The following TMEM132B variants were observed in gnomAD, a reference collection of about 807,000 sequenced individuals.
TMEM132B encodes transmembrane protein 132B.
Under a neutral mutation model 90.8 loss-of-function variants are expected in TMEM132B, and 18 were observed. The ratio of observed to expected loss-of-function variants is 0.20; its 90% CI spans 0.14 to 0.29. The LOEUF is 0.29. Among genes scored for constraint, TMEM132B ranks in the 10% least tolerant of loss-of-function variants. The probability of loss-of-function intolerance (pLI) is 1.00; values close to 1 mark genes in which losing one functional copy is unlikely to be tolerated. For missense variants in TMEM132B, 1,096 were observed against 1,326.8 expected, an observed-to-expected ratio of 0.83 and a Z score of 2.70; for synonymous variants, 504 against 523.3, an observed-to-expected ratio of 0.96 and a Z score of 0.50.
chr12:125,639,159 C>T (rs1440029962), intron 5 of TMEM132B, among the ~76,000 whole-genome samples: 1 of 152,194 alleles, frequency 6.6e-6, no homozygotes, highest in Non-Finnish European at 1.5e-5. Context: ...CCCCACACCC[C>T]TCCTTCCCCT....
Position 125,490,842 on chromosome 12 carries a change from C to A in TMEM132B, c.1107-28597C>A, listed in dbSNP as rs7299437. ...GTACTCTATGGTGAAAGCAATGTGC[C>A]ACTTAAAAGACTAGGTCTCAAAAAG... On this transcript the variant is annotated intron_variant, in intron 3 of 8. Coordinates refer to ENST00000682704, the MANE Select transcript of TMEM132B (RefSeq NM_001366854.1). This position sits in a 1 kb window ranked among gnomAD's most constrained non-coding sequence, Gnocchi z 4.2. 0.012 allele frequency among the ~76,000 whole-genome samples: 1,812 copies of A among 152,172 alleles called. 18 individuals carry two copies. The highest frequency in any genetic ancestry group is 0.018 in the Non-Finnish European group (1,245 of 68,008).
At chr12:125,526,191 C>T (rs967056305) in intron 4 of TMEM132B, among the ~76,000 whole-genome samples, 7 of 152,324 alleles carry the variant, frequency 4.6e-5, no homozygotes, top group African/African-American at 1.7e-4. Flanking sequence ...GTAAAACTGC[C>T]CACTGTAAAT....
intron 3 of TMEM132B, among the ~76,000 whole-genome samples, chr12:125,465,465 T>C (rs1881538892): frequency 6.6e-6 from 1 of 152,210 alleles, no homozygotes; most frequent in Non-Finnish European, 1.5e-5. Flanking sequence ...GTCTACCTGG[T>C]ATCTAGAAAT....
intron 3 of TMEM132B, among the ~76,000 whole-genome samples, chr12:125,493,517 C>G (rs187628795): frequency 2.9e-4 from 44 of 152,220 alleles, no homozygotes; most frequent in African/African-American, 9.6e-4. Flanking sequence ...GTTAGTTTTT[C>G]TCCACTGGCC....
At position 125,561,563 on chromosome 12, in the gene TMEM132B, C is replaced by A. The variant is rs367711808; in HGVS notation, c.1294-22288C>A. On this transcript the variant is annotated intron_variant, in intron 4 of 8. Transcript: ENST00000682704. ...AAATGCATTTTTTAAATAATAAGAC[C>A]TGAAAGCCAAAATTACTCCTTGATC... is the stretch of plus-strand genomic sequence containing the variant. Among the ~76,000 whole-genome samples, 6 of 152,114 alleles carry A rather than the reference C, an allele frequency of 3.9e-5. No individual in the cohort carries two copies. The South Asian group carries it at 8.3e-4, about 21-fold the overall frequency.
chr12:125,605,419 T>C (rs1190919648), intron 5 of TMEM132B, among the ~76,000 whole-genome samples: 1 of 152,102 alleles, frequency 6.6e-6, no homozygotes, highest in African/African-American at 2.4e-5. Flanking sequence ...GCCATGTGCA[T>C]GGAAGAGCAG....
At position 125,408,343 on chromosome 12, in the gene TMEM132B, A is replaced by G. The variant is rs1428027072; in HGVS notation, c.960-7188A>G. ...AAATTCTTATCCCCAAGGCAGAGTT[A>G]TTAGGAGGTGGGGCCTTTTGGGAGA... On this transcript the variant is annotated intron_variant, in intron 2 of 8. Transcript: ENST00000682704. The surrounding 1 kb of genome is among the most constrained non-coding windows in gnomAD (Gnocchi z 5.9). Among the ~76,000 whole-genome samples the G allele has an allele frequency of 6.6e-6, 1 of 152,192 alleles. No individual in the cohort carries two copies. Among genetic ancestry groups the G allele is most frequent in the East Asian group, 1.9e-4 (1 of 5,200 alleles).
chr12:125,448,758 A>G (rs1458030397), intron 3 of TMEM132B, among the ~76,000 whole-genome samples: 1 of 152,146 alleles, frequency 6.6e-6, no homozygotes, highest in Non-Finnish European at 1.5e-5. Flanking sequence ...ATTGTTTTTC[A>G]AAGTGATTGT....
At chr12:125,540,856 A>G (rs933261785) in intron 4 of TMEM132B, among the ~76,000 whole-genome samples, 4 of 152,240 alleles carry the variant, frequency 2.6e-5, no homozygotes, top group Non-Finnish European at 5.9e-5. Context: ...ATCATGACCT[A>G]GTAGAGCTCA....
At chr12:125,493,551 CT>C (rs1324993959) in intron 3 of TMEM132B, among the ~76,000 whole-genome samples, 1 of 152,068 alleles carries the variant, frequency 6.6e-6, no homozygotes, top group Non-Finnish European at 1.5e-5. Flanking sequence ...ACCTTCCTCT[CT>C]TTTCTTCCCT....
intron 3 of TMEM132B, among the ~76,000 whole-genome samples, chr12:125,463,241 A>G (rs1566043859): frequency 6.6e-6 from 1 of 152,170 alleles, no homozygotes; most frequent in South Asian, 2.1e-4. Flanking sequence ...TTAAAAGTGC[A>G]ATATTCATAG....
In TMEM132B at chr12:125,209,330, G is replaced by C. The variant is rs991263720; in HGVS notation, c.67+22464G>C. 6.6e-6 allele frequency among the ~76,000 whole-genome samples: 1 copy of C among 152,214 alleles called. No individual in the cohort carries two copies. Among genetic ancestry groups the C allele is most frequent in the African/African-American group, 2.4e-5 (1 of 41,446 alleles). ...AGGCTCGCGGATGGACCGCCCCAGG[G>C]GATGGTGCAGTGGGCTTGCTGTGTA... is the stretch of plus-strand genomic sequence containing the variant. On this transcript the variant is annotated intron_variant, in intron 1 of 8. Coordinates refer to ENST00000682704, the MANE Select transcript of TMEM132B (RefSeq NM_001366854.1). This position sits in a 1 kb window ranked among gnomAD's most constrained non-coding sequence, Gnocchi z 4.4.
In TMEM132B at chr12:125,654,523, C is replaced by T. The variant is rs200699371; in HGVS notation, c.3065C>T (p.Ser1022Leu). The T allele has an allele frequency of 1.1e-4, 171 of 1,613,928 alleles. No homozygotes were observed. Among genetic ancestry groups the T allele is most frequent in the Admixed American group, 1.8e-4 (11 of 59,994 alleles). Reference sequence around the variant, plus strand: ...ATTAAAAATGAACCTATGAATTCTTCGGGCCCAAAGAGGAAGAGAGTCAAG... The same window carrying T: ...ATTAAAAATGAACCTATGAATTCTTTGGGCCCAAAGAGGAAGAGAGTCAAG... The part of the protein sequence containing the change: ...KEIKNEPMNS[S>L]GPKRKRVKFT... The change falls in exon 9 of 9, where the codon TCG becomes TTG. Residue 1022 changes from serine (S) to leucine (L), a missense_variant. Transcript: ENST00000682704. This position sits in a 1 kb window ranked among gnomAD's most constrained non-coding sequence, Gnocchi z 5.8.
intron 5 of TMEM132B, among the ~76,000 whole-genome samples, chr12:125,597,262 C>G (rs1178657127): frequency 6.6e-6 from 1 of 151,958 alleles, no homozygotes; most frequent in East Asian, 1.9e-4. Flanking sequence ...TATTGTGTTC[C>G]CAAAAGAAAA....
chr12:125,348,745 T>C (rs1038180890), intron 1 of TMEM132B, among the ~76,000 whole-genome samples: 1 of 152,190 alleles, frequency 6.6e-6, no homozygotes, highest in Non-Finnish European at 1.5e-5. Flanking sequence ...CTAAGTAACT[T>C]GGTGAAGGTT....
At chr12:125,273,297 GA>G (rs902762047) in intron 1 of TMEM132B, among the ~76,000 whole-genome samples, 2 of 152,124 alleles carry the variant, frequency 1.3e-5, no homozygotes, top group Non-Finnish European at 2.9e-5. Flanking sequence ...ACTTAGTTAA[GA>G]AAAACAGGCC....
At chr12:125,435,044 C>G (rs760327088) in intron 3 of TMEM132B, among the ~76,000 whole-genome samples, 3 of 152,228 alleles carry the variant, frequency 2.0e-5, no homozygotes, top group Non-Finnish European at 4.4e-5. Context: ...CTCTCATCCT[C>G]CGCACCTCTG....
chr12:125,268,608 A>G (rs1270346240), intron 1 of TMEM132B, among the ~76,000 whole-genome samples: 1 of 152,212 alleles, frequency 6.6e-6, no homozygotes, highest in African/African-American at 2.4e-5. Context: ...AAAAAGTAAT[A>G]TAGTGTGTGT....
At chr12:125,501,083 T>C (rs376337170) in intron 3 of TMEM132B, among the ~76,000 whole-genome samples, 1 of 152,204 alleles carries the variant, frequency 6.6e-6, no homozygotes, top group Non-Finnish European at 1.5e-5. Context: ...TCCAGTCTCT[T>C]GTAAGGTTGA....
Sources: allele counts gnomAD v4.1 joint callset (sites outside exome capture counted in the v4.1 genomes callset), GRCh38; gene constraint gnomAD v4.1.1; non-coding constraint Gnocchi (gnomAD v3.1); transcripts MANE v1.5; gene names NCBI Gene and HGNC (gene_info 2026-07-23, HGNC 2026-07-21).